Variants in DIAPH3 observed in about 807,000 individuals in gnomAD.
DIAPH3 encodes diaphanous related formin 3.
In DIAPH3, 117 loss-of-function variants were observed where a neutral mutation model predicts 144.3. The observed-to-expected ratio is 0.81, with a 90% CI of 0.70 to 0.95. The LOEUF (loss-of-function observed/expected upper bound fraction) is 0.95. Among genes scored for constraint, DIAPH3 ranks in the 40% least tolerant of loss-of-function variants. DIAPH3 has a pLI of 0.00. For synonymous variants in DIAPH3, 519 were observed against 488.9 expected, an observed-to-expected ratio of 1.06 and a Z score of -0.81; for missense variants, 1,421 against 1,412.7, an observed-to-expected ratio of 1.01 and a Z score of -0.09.
rs559717837 is a variant in DIAPH3 at position 60,095,626 on chromosome 13, T to A, written c.391-1894A>T. On this transcript the variant is annotated intron_variant, in intron 3 of 27. Coordinates refer to ENST00000400324, the MANE Select transcript of DIAPH3 (RefSeq NM_001042517.2). ...TGCTGTTTTTTGTGTTTTTTTTTTT[T>A]AATATTTTAGTCTGTCTGGACCAGT... Among the ~76,000 whole-genome samples the A allele has an allele frequency of 1.2e-4, 18 of 151,866 alleles. No individual in the cohort carries two copies. The East Asian group carries it at 3.3e-3, about 28-fold the overall frequency.
At chr13:59,965,159 T>TGTC (rs2049977772) in intron 17 of DIAPH3, among the ~76,000 whole-genome samples, 3 of 152,186 alleles carry the variant, frequency 2.0e-5, no homozygotes, top group Admixed American at 6.5e-5. Context: ...TGAACTATGA[T>TGTC]GTCAGAAATC....
intron 22 of DIAPH3, 43 bp downstream of exon 22, chr13:59,861,364 C>G (rs1486481688): frequency 6.2e-7 from 1 of 1,613,104 alleles, no homozygotes; most frequent in African/African-American, 1.3e-5. Context: ...TCTTTTAGCA[C>G]TGAAGATCAG....
At chr13:60,161,075 TCTA>T (rs1952268467) in intron 1 of DIAPH3, among the ~76,000 whole-genome samples, 7 of 152,290 alleles carry the variant, frequency 4.6e-5, no homozygotes, top group Admixed American at 2.0e-4. Flanking sequence ...ACCACTCCAT[TCTA>T]CTACTCGCTT....
chr13:59,906,484 A>G (rs2046746965), intron 20 of DIAPH3, among the ~76,000 whole-genome samples: 1 of 152,216 alleles, frequency 6.6e-6, no homozygotes, highest in South Asian at 2.1e-4. Context: ...ATGTTATTTG[A>G]ATGTTTTACA....
intron 9 of DIAPH3, among the ~76,000 whole-genome samples, chr13:59,997,640 G>A (rs1450137359): frequency 6.6e-6 from 1 of 151,908 alleles, no homozygotes; most frequent in African/African-American, 2.4e-5. Context: ...AAAATTCAAG[G>A]TTCACTAACA....
At position 60,008,668 on chromosome 13, in the gene DIAPH3, CAATTA is replaced by C; in HGVS notation, c.909-24_909-20del. ...TTCAAGGCTATTGGAAAATTTGAGT[CAATTA>C]AATTGCAAGTAGCAAACACAAATGC... On this transcript the variant is annotated intron_variant, in intron 8 of 27. Coordinates refer to ENST00000400324, the MANE Select transcript of DIAPH3 (RefSeq NM_001042517.2). 6.6e-7 allele frequency: 1 copy of C among 1,511,158 alleles called. No individual in the cohort carries two copies. The highest frequency in any genetic ancestry group is 9.2e-7 in the Non-Finnish European group (1 of 1,086,592). The allele number at this position is 1,511,158 out of a possible 1,614,324, so 93.6% of individuals were successfully genotyped here. A position where few individuals can be genotyped will look rare whatever the true frequency, so the allele number is the denominator to read the frequency against.
rs188474892 is a variant in DIAPH3, at chr13:59,716,365, C to T, written c.3320-49519G>A. Among the ~76,000 whole-genome samples the T allele has an allele frequency of 9.9e-3, 1,513 of 152,142 alleles. 18 individuals are homozygous for T. Among genetic ancestry groups the T allele is most frequent in the Non-Finnish European group, 0.012 (827 of 67,992 alleles). Reference sequence around the variant, plus strand: ...TAATTTTTTGTATTTTTAGTAGAGACGGGGTTTCACCATGTTAGCCAGGAT... The same window carrying T: ...TAATTTTTTGTATTTTTAGTAGAGATGGGGTTTCACCATGTTAGCCAGGAT... On this transcript the variant is annotated intron_variant, in intron 27 of 27. Coordinates refer to ENST00000400324, the MANE Select transcript of DIAPH3 (RefSeq NM_001042517.2).
chr13:60,097,932 C>T (rs1395282936), intron 3 of DIAPH3, among the ~76,000 whole-genome samples: 1 of 152,094 alleles, frequency 6.6e-6, no homozygotes, highest in Non-Finnish European at 1.5e-5. Context: ...GGCAGTGGCA[C>T]TTAACTTCTG....
intron 27 of DIAPH3, among the ~76,000 whole-genome samples, chr13:59,761,348 C>A (rs755119153): frequency 1.3e-5 from 2 of 152,062 alleles, no homozygotes; most frequent in Non-Finnish European, 2.9e-5. Flanking sequence ...TCATCCTACC[C>A]TCTTGCTTAC....
chr13:60,160,634 T>C (rs1952248751), intron 1 of DIAPH3, among the ~76,000 whole-genome samples: 1 of 152,244 alleles, frequency 6.6e-6, no homozygotes, highest in Admixed American at 6.5e-5. Context: ...CCAAGTTTAA[T>C]TCCTACGGAA....
rs186160984 is a variant in DIAPH3, at chr13:59,803,965, G to A, written c.3163+6823C>T. The stretch of plus-strand genomic sequence containing the variant: ...TGGTGGACGTGGAAGAATGTCTCAG[G>A]GCACACATTACAAGTAAAGCACACA... On this transcript the variant is annotated intron_variant, in intron 25 of 27. Transcript: ENST00000400324. 3.9e-5 allele frequency among the ~76,000 whole-genome samples: 6 copies of A among 152,114 alleles called. 1 individual carries two copies. The highest frequency in any genetic ancestry group is 2.0e-4 in the Admixed American group (3 of 15,284).
chr13:60,041,681 A>G (rs2055677751), intron 5 of DIAPH3, among the ~76,000 whole-genome samples: 1 of 152,186 alleles, frequency 6.6e-6, no homozygotes, highest in Non-Finnish European at 1.5e-5. Context: ...CAGAACACAC[A>G]CACACACGTA....
rs56267083 is a variant in DIAPH3 at position 60,125,394 on chromosome 13, A to ATTTTTTTTTTTTT, written c.213+7550_213+7562dup. On this transcript the variant is annotated intron_variant, in intron 2 of 27. Transcript: ENST00000400324. ...ATCTGCATACCATCACACCCAGCTAATTTTTTTTTTTTTTTTTTTTTTTTT... is the reference window on the plus strand; with the variant it reads ...ATCTGCATACCATCACACCCAGCTAATTTTTTTTTTTTTTTTTTTTTTTTTTTTTTTTTTTTTT... 4.4e-4 allele frequency among the ~76,000 whole-genome samples: 43 copies of ATTTTTTTTTTTTT among 97,858 alleles called. 4 individuals carry two copies. In the East Asian group the frequency reaches 6.3e-3, roughly 14 times the overall value. 64.2% of individuals were successfully genotyped at this position (97,858 alleles called of 152,430 possible). A position where few individuals can be genotyped will look rare whatever the true frequency, so the allele number is the denominator to read the frequency against.
chr13:59,743,814 G>A (rs1209576354), intron 27 of DIAPH3, among the ~76,000 whole-genome samples: 2 of 152,028 alleles, frequency 1.3e-5, no homozygotes, highest in African/African-American at 4.8e-5. Flanking sequence ...AGCTGGAAAA[G>A]CATATTTAAA....
intron 2 of DIAPH3, among the ~76,000 whole-genome samples, chr13:60,123,070 A>T (rs1288664693): frequency 6.6e-6 from 1 of 152,202 alleles, no homozygotes; most frequent in Non-Finnish European, 1.5e-5. Context: ...CCAACCTGAC[A>T]TGCTTCCACT....
At position 59,897,709 on chromosome 13, in the gene DIAPH3, T is replaced by C. The variant is rs529671250; in HGVS notation, c.2367+14026A>G. Among the ~76,000 whole-genome samples the C allele has an allele frequency of 6.7e-5, 10 of 148,774 alleles. No homozygotes were observed. In the East Asian group the frequency reaches 1.8e-3, roughly 27 times the overall value. On this transcript the variant is annotated intron_variant, in intron 20 of 27. Transcript: ENST00000400324. ...GTTACAGTGAGCCAAGATCACGCCA[T>C]TGCACTCCAGCCTGGGCAACAGGGT... is the stretch of plus-strand genomic sequence containing the variant.
At chr13:59,728,401 C>T (rs1034608849) in intron 27 of DIAPH3, among the ~76,000 whole-genome samples, 11 of 151,278 alleles carry the variant, frequency 7.3e-5, no homozygotes, top group Non-Finnish European at 1.3e-4. Flanking sequence ...GAACTAATAA[C>T]CCAATAAAAA....
intron 17 of DIAPH3, among the ~76,000 whole-genome samples, chr13:59,964,401 CTCTT>C (rs989946300): frequency 1.6e-4 from 24 of 152,096 alleles, no homozygotes; most frequent in Non-Finnish European, 2.8e-4. Flanking sequence ...CTAGTTTCCT[CTCTT>C]TCTGTTTGTA....
intron 4 of DIAPH3, among the ~76,000 whole-genome samples, chr13:60,079,028 A>G (rs1032390833): frequency 6.6e-6 from 1 of 151,994 alleles, no homozygotes; most frequent in Non-Finnish European, 1.5e-5. Flanking sequence ...GGAAGCCAAT[A>G]CCAGGCTTCT....
Sources: allele counts gnomAD v4.1 joint callset (sites outside exome capture counted in the v4.1 genomes callset), GRCh38; gene constraint gnomAD v4.1.1; transcripts MANE v1.5; gene names NCBI Gene and HGNC (gene_info 2026-07-23, HGNC 2026-07-21).